STK3: variants seen among roughly 807,000 people sequenced by gnomAD.
The protein encoded by STK3 is serine/threonine kinase 3.
STK3 carries 41 observed loss-of-function variants against 58.0 expected under a neutral mutation model. The ratio of observed to expected loss-of-function variants is 0.71; its 90% CI spans 0.55 to 0.92. STK3 has a LOEUF of 0.92. STK3 is among the 40% of genes least tolerant of loss of function. The pLI is 0.00. For missense variants in STK3, 479 were observed against 602.7 expected, an observed-to-expected ratio of 0.79 and a Z score of 2.15; for synonymous variants, 170 against 191.0, an observed-to-expected ratio of 0.89 and a Z score of 0.91.
intron 1 of STK3, among the ~76,000 whole-genome samples, chr8:98,914,681 T>C (rs1337413600): frequency 6.6e-6 from 1 of 152,150 alleles, no homozygotes; most frequent in African/African-American, 2.4e-5. Flanking sequence ...TTTCTAAACA[T>C]GGGTCCTCAA....
At chr8:98,619,158 C>T (rs1016876095) in intron 6 of STK3, among the ~76,000 whole-genome samples, 1 of 151,148 alleles carries the variant, frequency 6.6e-6, no homozygotes, top group African/African-American at 2.4e-5. Flanking sequence ...AGAAGTAACG[C>T]CGCATACCTA....
the STK3 span, among the ~76,000 whole-genome samples, chr8:98,346,811 T>C: frequency 6.6e-6 from 1 of 151,264 alleles, no homozygotes; most frequent in African/African-American, 2.4e-5. Context: ...ATAGGAAGTT[T>C]CAGGCAGAAA....
chr8:98,838,420 C>T (rs995477078), intron 3 of STK3, among the ~76,000 whole-genome samples: 4 of 152,058 alleles, frequency 2.6e-5, no homozygotes, highest in African/African-American at 4.8e-5. Context: ...GACTTGTTTA[C>T]TTCTAGGCGA....
the STK3 span, among the ~76,000 whole-genome samples, chr8:98,351,223 CT>C: frequency 2.0e-5 from 3 of 152,136 alleles, no homozygotes; most frequent in Non-Finnish European, 4.4e-5. Flanking sequence ...ACCAAAATAA[CT>C]AGAGAGAGAT....
chr8:98,692,684 A>G (rs1177297131), intron 6 of STK3, among the ~76,000 whole-genome samples: 2 of 152,138 alleles, frequency 1.3e-5, no homozygotes, highest in Non-Finnish European at 2.9e-5. Flanking sequence ...ATGGCAATGA[A>G]TTGTATAGAG....
rs892588240 is a variant in STK3, at chr8:98,936,698, C to T, written c.-79+5680G>A. On this transcript the variant is annotated intron_variant, in intron 1 of 1. Transcript: ENST00000519420. ...CTCCTGGGCCTGGGCGGGCCCACCACGTAGGGCATTTGGATGTGTGCCTCA... is the reference window on the plus strand; with the variant it reads ...CTCCTGGGCCTGGGCGGGCCCACCATGTAGGGCATTTGGATGTGTGCCTCA... Among the ~76,000 whole-genome samples, 9 of 152,228 alleles carry T rather than the reference C, an allele frequency of 5.9e-5. No homozygotes were observed. In the South Asian group the frequency reaches 6.2e-4, roughly 11 times the overall value.
chr8:98,899,773 T>G (rs1328560633), intron 1 of STK3, among the ~76,000 whole-genome samples: 1 of 152,146 alleles, frequency 6.6e-6, no homozygotes, highest in Non-Finnish European at 1.5e-5. Context: ...TCTGAGATAG[T>G]AACCTTCCCA....
At chr8:98,589,480 G>A (rs1815044164) in intron 7 of STK3, among the ~76,000 whole-genome samples, 1 of 152,224 alleles carries the variant, frequency 6.6e-6, no homozygotes, top group African/African-American at 2.4e-5. Context: ...TGCATACTGG[G>A]AGAACCACTG....
chr8:98,621,020 C>T (rs943664173), intron 6 of STK3, among the ~76,000 whole-genome samples: 4 of 149,898 alleles, frequency 2.7e-5, no homozygotes, highest in Non-Finnish European at 4.4e-5. Flanking sequence ...AGCTCCGCTT[C>T]CCGGGTTCAC....
At chr8:98,389,326 C>A (rs149592492), upstream of STK3, among the ~76,000 whole-genome samples, 176 of 152,286 alleles carry the variant, frequency 1.2e-3, no homozygotes, top group African/African-American at 3.8e-3. Flanking sequence ...TGGGTAAATT[C>A]TCTTCCCAAC....
chr8:98,444,948 A>G (rs978146943), intron 1 of STK3, among the ~76,000 whole-genome samples: 1 of 152,152 alleles, frequency 6.6e-6, no homozygotes, highest in Non-Finnish European at 1.5e-5. Flanking sequence ...ATGCTTCCCT[A>G]TGGGTGCCAT....
intron 4 of STK3, among the ~76,000 whole-genome samples, chr8:98,712,195 C>T (rs905140987): frequency 2.0e-5 from 3 of 152,172 alleles, no homozygotes; most frequent in Non-Finnish European, 2.9e-5. Context: ...AATTGTAAGA[C>T]CATGAATGCT....
At chr8:98,449,816 A>C (rs1035074396), downstream of STK3, among the ~76,000 whole-genome samples, 2 of 152,186 alleles carry the variant, frequency 1.3e-5, no homozygotes, top group Non-Finnish European at 2.9e-5. Context: ...AGTTCTCCGG[A>C]AATGGATTGG....
chr8:98,566,391 G>A (rs368435674), intron 8 of STK3, among the ~76,000 whole-genome samples: 254 of 152,036 alleles, frequency 1.7e-3, no homozygotes, highest in African/African-American at 5.8e-3. Flanking sequence ...AAACTAGATA[G>A]AAGTAAATTA....
intron 9 of STK3, among the ~76,000 whole-genome samples, chr8:98,529,573 G>T (rs1246417726): frequency 6.6e-6 from 1 of 152,124 alleles, no homozygotes; most frequent in Non-Finnish European, 1.5e-5. Context: ...TCTTACTTCT[G>T]GGTATATATC....
chr8:98,537,531 G>A (rs549169882), intron 9 of STK3, among the ~76,000 whole-genome samples: 42 of 152,200 alleles, frequency 2.8e-4, no homozygotes, highest in Admixed American at 2.6e-3. Flanking sequence ...AGAAAATAAA[G>A]CAGGAAATCT....
At chr8:98,594,375 G>A (rs572655250) in intron 7 of STK3, among the ~76,000 whole-genome samples, 50 of 152,112 alleles carry the variant, frequency 3.3e-4, no homozygotes, top group Admixed American at 1.4e-3. Context: ...TGAGGCAGGC[G>A]GATCACTTGA....
At chr8:98,905,561 G>T in intron 1 of STK3, 2 of 1,078,668 alleles carry the variant, frequency 1.9e-6, no homozygotes, top group Non-Finnish European at 1.4e-6. Flanking sequence ...GTACAAAGCC[G>T]TAGTTCTTAA....
intron 7 of STK3, among the ~76,000 whole-genome samples, chr8:98,582,038 A>C (rs2131739225): frequency 6.6e-6 from 1 of 152,324 alleles, no homozygotes; most frequent in South Asian, 2.1e-4. Flanking sequence ...TTGATAATTC[A>C]GAACATGAAC....
Sources: gnomAD v4.1 joint callset for allele counts (sites outside exome capture counted in the v4.1 genomes callset) on GRCh38, gnomAD v4.1.1 for gene constraint, MANE v1.5 for transcripts, NCBI Gene and HGNC (gene_info 2026-07-23, HGNC 2026-07-21) for gene names.